DDX10: variants seen among roughly 807,000 people sequenced by gnomAD.
The protein encoded by DDX10 is probable ATP-dependent RNA helicase DDX10.
DDX10 carries 74 observed loss-of-function variants against 104.3 expected under a neutral mutation model. That is an observed-to-expected ratio of 0.71 (90% confidence interval 0.59 to 0.86). The LOEUF (loss-of-function observed/expected upper bound fraction) is 0.86, where lower values mean the gene tolerates loss of function less well. DDX10 is among the 40% of genes least tolerant of loss of function. DDX10 has a pLI of 0.00. For synonymous variants in DDX10, 351 were observed against 353.4 expected (o/e 0.99, Z 0.08); for missense variants, 952 against 1,040.0 (o/e 0.92, Z 1.16).
intron 13 of DDX10, among the ~76,000 whole-genome samples, chr11:108,837,598 T>G (rs575927961): frequency 4.9e-5 from 7 of 144,280 alleles, no homozygotes; most frequent in African/African-American, 1.8e-4. Flanking sequence ...ATCTCACCTT[T>G]GGATACAGCT....
intron 13 of DDX10, among the ~76,000 whole-genome samples, chr11:108,815,625 A>G (rs2134572230): frequency 6.6e-6 from 1 of 152,334 alleles, no homozygotes; most frequent in South Asian, 2.1e-4. Flanking sequence ...CATTTGTATA[A>G]ATGGATATAT....
chr11:108,780,206 T>C (rs575839153), intron 13 of DDX10, among the ~76,000 whole-genome samples: 15 of 152,174 alleles, frequency 9.9e-5, no homozygotes, highest in Non-Finnish European at 1.9e-4. Flanking sequence ...GGTTGCTTTC[T>C]TTGAATAGAT....
intron 13 of DDX10, among the ~76,000 whole-genome samples, chr11:108,730,794 A>G (rs1199489565): frequency 6.6e-6 from 1 of 151,772 alleles, no homozygotes; most frequent in Admixed American, 6.6e-5. Context: ...TACTAAGACT[A>G]CATTTGCATT....
chr11:108,682,113 AG>A (rs2094236144), intron 6 of DDX10, among the ~76,000 whole-genome samples: 1 of 151,798 alleles, frequency 6.6e-6, no homozygotes, highest in Non-Finnish European at 1.5e-5. Flanking sequence ...CTTAAAGTCT[AG>A]TGTTTTTTGA....
rs545538338 is a variant in DDX10, at chr11:108,724,588, TAA to T, written c.1965+1127_1965+1128del. 4.9e-4 allele frequency among the ~76,000 whole-genome samples: 74 copies of T among 152,218 alleles called. No homozygotes were observed. In the Middle Eastern group the frequency reaches 0.02, roughly 42 times the overall value. On this transcript the variant is annotated intron_variant, in intron 13 of 17. Transcript: ENST00000322536. ...AATTAGATCATTTTAAGTCTGTAGT[TAA>T]GACTCATTTTATCAGCAAAGTAAAT... is the stretch of plus-strand genomic sequence containing the variant.
rs534400282 is a variant in DDX10, at chr11:108,924,256, T to C, written c.2450+6238T>C. On this transcript the variant is annotated intron_variant, in intron 17 of 17. Coordinates refer to ENST00000322536, the MANE Select transcript of DDX10 (RefSeq NM_004398.4). ...ACTCTTACTACCTTACATCAATCTT[T>C]GCTTTGTAGACTACATTCTCTGAGG... 6.6e-5 allele frequency among the ~76,000 whole-genome samples: 10 copies of C among 152,322 alleles called. No homozygotes were observed. The East Asian group carries it at 1.9e-3, about 29-fold the overall frequency.
Position 108,917,903 on chromosome 11 carries a change from T to A in DDX10, c.2335T>A (p.Trp779Arg). ...AGATGAAGAGGAAGCCTTTCTGGAT[T>A]GGAGTGATGATGATGATGATGATGA... is the stretch of plus-strand genomic sequence containing the variant. ...AKDEEEAFLD[W>R]SDDDDDDDDG... is the part of the protein sequence containing the mutation. The change falls in exon 17 of 18, where the codon TGG (tryptophan) becomes AGG (arginine). Residue 779 changes from tryptophan to arginine, a missense_variant. Physicochemically the swap from Trp to Arg is moderately radical, Grantham distance 101. Around this residue, in one of 3 missense-constraint regions of DDX10, gnomAD observed 533 missense variants for 534.1 expected, o/e 1.00. Coordinates refer to ENST00000322536, the MANE Select transcript of DDX10 (RefSeq NM_004398.4). 6.2e-7 allele frequency: 1 copy of A among 1,608,486 alleles called. No individual in the cohort carries two copies. Among genetic ancestry groups the A allele is most frequent in the Non-Finnish European group, 8.5e-7 (1 of 1,179,488 alleles).
Position 108,677,095 on chromosome 11 carries a change from C to T in DDX10, c.389C>T (p.Ala130Val), listed in dbSNP as rs2094226393. 12 of 1,610,346 alleles carry T rather than the reference C, an allele frequency of 7.5e-6. No individual in the cohort carries two copies. Among genetic ancestry groups the T allele is most frequent in the Non-Finnish European group, 1.0e-5 (12 of 1,177,878 alleles). The stretch of plus-strand genomic sequence containing the variant: ...TGCTGTCTTTTTGAGGTGCTGGAAG[C>T]CTTATATCGTCTGCAATGGACTTCA... The part of the protein sequence containing the change: ...TLAFLVPVLE[A>V]LYRLQWTSTD... The change falls in exon 4 of 18, where the codon GCC becomes GTC. Residue 130 changes from alanine (A) to valine (V), a missense_variant. Physicochemically the swap from Ala to Val is moderately conservative, Grantham distance 64. This residue lies in a region of DDX10 where 412 missense variants were observed against 479.2 expected (regional missense o/e 0.86). Transcript: ENST00000322536.
intron 13 of DDX10, among the ~76,000 whole-genome samples, chr11:108,748,062 C>G (rs1255057504): frequency 6.6e-6 from 1 of 152,064 alleles, no homozygotes. Context: ...TCTAAGTACT[C>G]TAGAGTGTGA....
intron 16 of DDX10, among the ~76,000 whole-genome samples, chr11:108,901,179 T>C: frequency 6.6e-6 from 1 of 152,226 alleles, no homozygotes; most frequent in East Asian, 1.9e-4. Flanking sequence ...TGTTATTGAC[T>C]GTTTTTGTCT....
intron 13 of DDX10, among the ~76,000 whole-genome samples, chr11:108,833,984 C>A (rs1196403018): frequency 1.3e-5 from 2 of 152,124 alleles, no homozygotes; most frequent in African/African-American, 4.8e-5. Flanking sequence ...GAAACAGTAT[C>A]TTGCTCTTTG....
At chr11:108,857,166 G>A (rs570089600) in intron 16 of DDX10, among the ~76,000 whole-genome samples, 1 of 152,084 alleles carries the variant, frequency 6.6e-6, no homozygotes, top group Non-Finnish European at 1.5e-5. Context: ...ATTGTCCTAT[G>A]CCCTTTCTGT....
chr11:108,937,207 TGAG>T, intron 17 of DDX10, among the ~76,000 whole-genome samples: 1 of 152,260 alleles, frequency 6.6e-6, no homozygotes, highest in East Asian at 1.9e-4. Context: ...GGGCCGTGCT[TGAG>T]GAGTGAGGGA....
intron 13 of DDX10, among the ~76,000 whole-genome samples, chr11:108,836,025 C>T (rs1218490490): frequency 6.6e-6 from 1 of 152,184 alleles, no homozygotes; most frequent in East Asian, 1.9e-4. Flanking sequence ...GAATTGGTCT[C>T]AGGTTCCCTG....
intron 16 of DDX10, among the ~76,000 whole-genome samples, chr11:108,896,670 T>G (rs1863445438): frequency 6.6e-6 from 1 of 152,168 alleles, no homozygotes. Context: ...TGATACATAT[T>G]TAGAGGAATT....
At chr11:108,914,708 CT>C (rs1448948529) in intron 16 of DDX10, among the ~76,000 whole-genome samples, 2 of 151,862 alleles carry the variant, frequency 1.3e-5, no homozygotes, top group Non-Finnish European at 2.9e-5. Context: ...TCAGTAGAAG[CT>C]GACTTAGCTC....
intron 4 of DDX10, 111 bp downstream of exon 4, chr11:108,677,354 A>G: frequency 1.0e-6 from 1 of 964,212 alleles, no homozygotes; most frequent in Non-Finnish European, 1.5e-6. Context: ...GACCTAGACC[A>G]GGGCCTCATG....
At chr11:108,919,505 A>C (rs949126654) in intron 17 of DDX10, 1 of 152,024 alleles carries the variant, frequency 6.6e-6, no homozygotes, top group African/African-American at 2.4e-5. Flanking sequence ...ATATAAATGC[A>C]CCTCTTTTAG....
At chr11:108,708,303 T>TC (rs2094279394) in intron 10 of DDX10, among the ~76,000 whole-genome samples, 1 of 150,838 alleles carries the variant, frequency 6.6e-6, no homozygotes, top group East Asian at 1.9e-4. Flanking sequence ...TGATTTTTTT[T>TC]TTTTCTTTTT....
Sources: gnomAD v4.1 joint callset for allele counts (sites outside exome capture counted in the v4.1 genomes callset) on GRCh38, gnomAD v4.1.1 for gene constraint, gnomAD v4.1.1 regional missense constraint, MANE v1.5 for transcripts, NCBI Gene and HGNC (gene_info 2026-07-23, HGNC 2026-07-21) for gene names.